Variants in PKD1L1 observed in about 807,000 individuals in gnomAD.
PKD1L1 encodes polycystin-1-like protein 1.
In PKD1L1, 236 loss-of-function variants were observed where a neutral mutation model predicts 323.4. The observed-to-expected ratio is 0.73, with a 90% CI of 0.66 to 0.81. PKD1L1 has a LOEUF of 0.81. PKD1L1 is among the 40% of genes least tolerant of loss of function. The probability of loss-of-function intolerance (pLI) is 0.00; values close to 1 mark genes in which losing one functional copy is unlikely to be tolerated. For missense variants in PKD1L1, 3,320 were observed against 3,508.0 expected (o/e 0.95, Z 1.35); for synonymous variants, 1,344 against 1,335.0 (o/e 1.01, Z -0.15).
Position 47,843,021 on chromosome 7 carries a change from G to C in PKD1L1, c.5386C>G (p.Gln1796Glu). Reference sequence around the variant, plus strand: ...GTGTCAATGACGACCGCATATAGCTGATGGCCCGGCAGGGAAGCTTCTTGC... The same window carrying C: ...GTGTCAATGACGACCGCATATAGCTCATGGCCCGGCAGGGAAGCTTCTTGC... ...FLQEASLPGH[Q>E]LYAVVIDTGF... Residue 1796 changes from glutamine to glutamate, a missense_variant, in exon 34 of 57, where the codon CAG (glutamine) becomes GAG (glutamate). By Grantham distance (29) the Gln-to-Glu change is conservative. Transcript: ENST00000289672. 3 of 1,614,006 alleles carry C rather than the reference G, an allele frequency of 1.9e-6. No individual in the cohort carries two copies. The highest frequency in any genetic ancestry group is 2.5e-6 in the Non-Finnish European group (3 of 1,179,902).
rs913925467 is a variant in PKD1L1 at position 47,915,666 on chromosome 7, A to C, written c.1061-67T>G. ...TTAATAAACTAGGGGAAAATGTGGAATAAACAAAATCTGAAAGCTAGTTCT... is the reference window on the plus strand; with the variant it reads ...TTAATAAACTAGGGGAAAATGTGGACTAAACAAAATCTGAAAGCTAGTTCT... On this transcript the variant is annotated intron_variant, in intron 7 of 56. Coordinates refer to ENST00000289672, the MANE Select transcript of PKD1L1 (RefSeq NM_138295.5). 35 of 1,009,918 alleles carry C rather than the reference A, an allele frequency of 3.5e-5. No individual in the cohort carries two copies. In the African/African-American group the frequency reaches 5.4e-4, roughly 16 times the overall value. 62.6% of individuals were successfully genotyped at this position (1,009,918 alleles called of 1,614,324 possible). A position where few individuals can be genotyped will look rare whatever the true frequency, so the allele number is the denominator to read the frequency against.
At chr7:47,898,795 C>T (rs986132745) in intron 13 of PKD1L1, among the ~76,000 whole-genome samples, 1 of 151,698 alleles carries the variant, frequency 6.6e-6, no homozygotes, top group African/African-American at 2.4e-5. Context: ...ACAATAAGTT[C>T]TTAGTATAAT....
chr7:47,886,179 C>G (rs1369699049), intron 17 of PKD1L1, 125 bp from the exon 18 acceptor site: 5 of 1,279,266 alleles, frequency 3.9e-6, no homozygotes, highest in Middle Eastern at 2.7e-4. Flanking sequence ...TGAAAACCTA[C>G]ACTTAAGAGA....
At chr7:47,878,828 G>A (rs556035424) in intron 21 of PKD1L1, among the ~76,000 whole-genome samples, 43 of 152,346 alleles carry the variant, frequency 2.8e-4, no homozygotes, top group Non-Finnish European at 5.4e-4. Flanking sequence ...GGTGTGCAAG[G>A]CTGCGGGAGA....
upstream of PKD1L1, among the ~76,000 whole-genome samples, chr7:47,951,185 C>A (rs551377260): frequency 6.6e-6 from 1 of 152,284 alleles, no homozygotes; most frequent in African/African-American, 2.4e-5. Flanking sequence ...CTAAGCTCCT[C>A]ATTTAGAAAC....
chr7:47,956,167 A>T, the PKD1L1 span, among the ~76,000 whole-genome samples: 70,658 of 151,706 alleles, frequency 0.47, 16,990 homozygotes, highest in East Asian at 0.53. Flanking sequence ...AAAACCATGA[A>T]CAGAGGGTAA....
intron 14 of PKD1L1, 115 bp from the exon 15 acceptor site, chr7:47,894,174 G>T: frequency 2.2e-6 from 2 of 899,594 alleles, no homozygotes; most frequent in Non-Finnish European, 3.3e-6. Context: ...ACGCATCCCT[G>T]GCTCCAACTA....
chr7:47,783,295 C>A (rs1033027749), intron 56 of PKD1L1, among the ~76,000 whole-genome samples: 3 of 151,722 alleles, frequency 2.0e-5, no homozygotes, highest in Admixed American at 6.6e-5. Flanking sequence ...TACTAACATA[C>A]AAACATCATT....
intron 52 of PKD1L1, among the ~76,000 whole-genome samples, chr7:47,806,025 G>C (rs1000078762): frequency 6.6e-6 from 1 of 152,204 alleles, no homozygotes; most frequent in Non-Finnish European, 1.5e-5. Context: ...CTCTCCCCAG[G>C]TAAGTTTTTC....
chr7:47,789,687 C>G (rs374094019), intron 56 of PKD1L1, among the ~76,000 whole-genome samples: 10 of 152,136 alleles, frequency 6.6e-5, no homozygotes, highest in Admixed American at 3.3e-4. Context: ...GTGCTTTCTG[C>G]TAAGCACTAA....
At chr7:47,958,869 C>G in the PKD1L1 span, among the ~76,000 whole-genome samples, 1 of 152,098 alleles carries the variant, frequency 6.6e-6, no homozygotes, top group African/African-American at 2.4e-5. Flanking sequence ...CCACTGATGC[C>G]GAGCCGAAGC....
At chr7:47,893,229 CAAAAAA>C (rs529686945) in intron 15 of PKD1L1, among the ~76,000 whole-genome samples, 5 of 52,994 alleles carry the variant, frequency 9.4e-5, no homozygotes, top group Non-Finnish European at 1.7e-4. Context: ...GACCCTATCT[CAAAAAA>C]AAAAAAAAAA....
intron 56 of PKD1L1, among the ~76,000 whole-genome samples, chr7:47,776,267 G>A (rs1364710510): frequency 1.3e-5 from 2 of 152,178 alleles, no homozygotes; most frequent in Non-Finnish European, 2.9e-5. Context: ...TCCAATTCTA[G>A]TCAAACCCAT....
In PKD1L1 at chr7:47,800,767, T is replaced by C; in HGVS notation, c.8075A>G (p.His2692Arg). 1 of 1,613,922 alleles carries C rather than the reference T, an allele frequency of 6.2e-7. No homozygotes were observed. The highest frequency in any genetic ancestry group is 1.1e-5 in the South Asian group (1 of 91,064). The change falls in exon 54 of 57, where the codon CAT becomes CGT. Residue 2692 changes from histidine to arginine, a missense_variant. Coordinates refer to ENST00000289672, the MANE Select transcript of PKD1L1 (RefSeq NM_138295.5). Reference sequence around the variant, plus strand: ...GTCTTTTTGGCTTCTTCTGGGAAAATGAAACAGCAGCCCGGGGAAGGCGTC... The same window carrying C: ...GTCTTTTTGGCTTCTTCTGGGAAAACGAAACAGCAGCCCGGGGAAGGCGTC... ...FTDAFPGLLF[H>R]FPRRSQKDCL... is the part of the protein sequence containing the mutation.
intron 47 of PKD1L1, among the ~76,000 whole-genome samples, chr7:47,814,661 G>A (rs774784016): frequency 3.3e-5 from 5 of 152,118 alleles, no homozygotes; most frequent in Admixed American, 6.5e-5. Flanking sequence ...TTATAGGCAC[G>A]CGCCACCACA....
chr7:47,820,829 T>C (rs1785124814), intron 46 of PKD1L1, among the ~76,000 whole-genome samples: 1 of 152,144 alleles, frequency 6.6e-6, no homozygotes, highest in Non-Finnish European at 1.5e-5. Flanking sequence ...AAAAAGAAAC[T>C]GCAAGACCCT....
At chr7:47,848,429 G>C (rs1785710105) in intron 31 of PKD1L1, among the ~76,000 whole-genome samples, 1 of 152,174 alleles carries the variant, frequency 6.6e-6, no homozygotes, top group African/African-American at 2.4e-5. Flanking sequence ...CAATGCAAAT[G>C]AGTGTAAGAA....
Position 47,837,053 on chromosome 7 carries a change from A to G in PKD1L1, c.5811T>C (p.His1937=). 6.2e-7 allele frequency: 1 copy of G among 1,614,242 alleles called. No homozygotes were observed. The highest frequency in any genetic ancestry group is 1.3e-5 in the African/African-American group (1 of 75,084). The change falls in exon 37 of 57, where the codon CAT becomes CAC. Residue 1937 remains histidine (H), a synonymous_variant. Coordinates refer to ENST00000289672, the MANE Select transcript of PKD1L1 (RefSeq NM_138295.5). ...GCCTGCTGTACACCGACAGCCAGAC[A>G]TGGAAATCCTCCAGGTACTCTGTGA... ...CKFTEYLEDF[H]VWLSVYSRPS...
At chr7:47,805,488 C>G (rs377331220) in intron 52 of PKD1L1, among the ~76,000 whole-genome samples, 1 of 152,180 alleles carries the variant, frequency 6.6e-6, no homozygotes, top group African/African-American at 2.4e-5. Context: ...GAGGGAAAGC[C>G]GTAGTGTGGG....
Sources: allele counts gnomAD v4.1 joint callset (sites outside exome capture counted in the v4.1 genomes callset), GRCh38; gene constraint gnomAD v4.1.1; transcripts MANE v1.5; gene names NCBI Gene and HGNC (gene_info 2026-07-23, HGNC 2026-07-21).